CRACD: variants seen among roughly 807,000 people sequenced by gnomAD.
CRACD encodes the protein capping protein-inhibiting regulator of actin dynamics.
CRACD carries 56 observed loss-of-function variants against 106.8 expected under a neutral mutation model. The observed-to-expected ratio is 0.52, with a 90% CI of 0.42 to 0.66. The LOEUF is 0.66. Ranked by LOEUF, CRACD falls within the 30% of genes least tolerant of loss-of-function variation. CRACD has a pLI of 0.00. For synonymous variants in CRACD, 754 were observed against 670.8 expected (o/e 1.12, Z -1.92); for missense variants, 1,730 against 1,623.2 (o/e 1.07, Z -1.13).
intron 1 of CRACD, among the ~76,000 whole-genome samples, chr4:56,056,862 C>T (rs558020305): frequency 6.6e-6 from 1 of 152,298 alleles, no homozygotes; most frequent in South Asian, 2.1e-4. Flanking sequence ...CCCTTGAGCC[C>T]AGGAATTGGA....
intron 2 of CRACD, among the ~76,000 whole-genome samples, chr4:56,209,986 A>C (rs1738319986): frequency 6.6e-6 from 1 of 152,142 alleles, no homozygotes; most frequent in African/African-American, 2.4e-5. Context: ...TGGAGGATCC[A>C]ACCCCTCTCA....
Position 56,307,700 on chromosome 4 carries a change from G to T in CRACD, c.285+1G>T. 1 of 1,614,036 alleles carries T rather than the reference G, an allele frequency of 6.2e-7. No homozygotes were observed. Among genetic ancestry groups the T allele is most frequent in the Non-Finnish European group, 8.5e-7 (1 of 1,179,994 alleles). On this transcript the variant is annotated splice_donor_variant, in intron 5 of 10. Coordinates refer to ENST00000682029, the MANE Select transcript of CRACD (RefSeq NM_001393381.1). LOFTEE classifies it high-confidence loss of function. ...CGTCCTCTCAGACGCAGAGAACAAG[G>T]TAAGTCTCCTCCAGGGAATGACTTG...
Position 56,281,958 on chromosome 4 carries a change from A to G in CRACD, c.-17+9466A>G, listed in dbSNP as rs1314424170. Among the ~76,000 whole-genome samples the G allele has an allele frequency of 2.6e-5, 4 of 152,128 alleles. No individual in the cohort carries two copies. In the East Asian group the frequency reaches 7.7e-4, roughly 29 times the overall value. On this transcript the variant is annotated intron_variant, in intron 3 of 10. Coordinates refer to ENST00000682029, the MANE Select transcript of CRACD (RefSeq NM_001393381.1). ...CTGTTTCTTTTGTAATTAACAGGTA[A>G]TTTGGTACACTATAGCCTATCAAAT... is the stretch of plus-strand genomic sequence containing the variant.
chr4:56,314,972 T>G lies in CRACD; in HGVS notation c.1470T>G (p.Pro490=), dbSNP rs1745479704. 6.3e-7 allele frequency: 1 copy of G among 1,588,114 alleles called. No individual in the cohort carries two copies. The highest frequency in any genetic ancestry group is 1.8e-5 in the Admixed American group (1 of 54,510). The change falls in exon 8 of 11, where the codon CCT becomes CCG. Residue 490 remains proline (P), a synonymous_variant. Coordinates refer to ENST00000682029, the MANE Select transcript of CRACD (RefSeq NM_001393381.1). This position sits in a 1 kb window ranked among gnomAD's most constrained non-coding sequence, Gnocchi z 4.4. The part of the protein sequence containing the change: ...EEKREEGDTE[P]LLKQEGPVEA... ...AGAGAGAAGAAGGGGACACGGAGCCTCTCCTGAAACAAGAGGGGCCGGTGG... is the reference window on the plus strand; with the variant it reads ...AGAGAGAAGAAGGGGACACGGAGCCGCTCCTGAAACAAGAGGGGCCGGTGG...
At chr4:56,122,364 A>C (rs1220169082) in intron 1 of CRACD, among the ~76,000 whole-genome samples, 1 of 152,114 alleles carries the variant, frequency 6.6e-6, no homozygotes, top group Admixed American at 6.6e-5. Context: ...AGTCAGGAAA[A>C]GCAGGGAAGG....
intron 1 of CRACD, among the ~76,000 whole-genome samples, chr4:56,082,580 C>A (rs1052589423): frequency 6.6e-6 from 1 of 151,922 alleles, no homozygotes. Flanking sequence ...AGCCTATAGG[C>A]CTGCCAGTGG....
chr4:56,083,600 ATT>A (rs1733112452), intron 1 of CRACD, among the ~76,000 whole-genome samples: 1 of 151,986 alleles, frequency 6.6e-6, no homozygotes, highest in South Asian at 2.1e-4. Flanking sequence ...ACATTTTTTT[ATT>A]TGTTAGATTT....
At chr4:56,192,960 CTGATTCATCTT>C (rs545905271) in intron 2 of CRACD, among the ~76,000 whole-genome samples, 6 of 152,278 alleles carry the variant, frequency 3.9e-5, no homozygotes, top group Non-Finnish European at 4.4e-5. Context: ...GGGACAGTGT[CTGATTCATCTT>C]TGAGTGCCCA....
At position 56,329,385 on chromosome 4, in the gene CRACD, C is replaced by T. The variant is rs1746663113; in HGVS notation, c.*1581C>T. 6.6e-6 allele frequency among the ~76,000 whole-genome samples: 1 copy of T among 152,136 alleles called. No homozygotes were observed. On this transcript the variant is annotated 3_prime_UTR_variant, in exon 11 of 11. Coordinates refer to ENST00000682029, the MANE Select transcript of CRACD (RefSeq NM_001393381.1). ...CTTTCCTTTATGCTCGCTCAATATGCAATGTGCTGTTATTCTACCATGTAC... is the reference window on the plus strand; with the variant it reads ...CTTTCCTTTATGCTCGCTCAATATGTAATGTGCTGTTATTCTACCATGTAC...
At chr4:56,087,717 C>T (rs1234313788) in intron 1 of CRACD, among the ~76,000 whole-genome samples, 1 of 152,164 alleles carries the variant, frequency 6.6e-6, no homozygotes. Flanking sequence ...TGCCCACAGA[C>T]ATCACAAAAT....
At chr4:56,236,108 G>A (rs182048667) in intron 2 of CRACD, among the ~76,000 whole-genome samples, 1 of 152,296 alleles carries the variant, frequency 6.6e-6, no homozygotes, top group African/African-American at 2.4e-5. Flanking sequence ...CTTTACAGAG[G>A]TGTTGCAGTT....
intron 2 of CRACD, among the ~76,000 whole-genome samples, chr4:56,259,918 A>G (rs1320159090): frequency 1.3e-5 from 2 of 152,200 alleles, no homozygotes; most frequent in African/African-American, 4.8e-5. Context: ...CTGTGATAAA[A>G]TGCAATGGAA....
At chr4:56,220,017 G>A (rs963508945) in intron 2 of CRACD, among the ~76,000 whole-genome samples, 1 of 152,106 alleles carries the variant, frequency 6.6e-6, no homozygotes, top group African/African-American at 2.4e-5. Context: ...TACAAGAAAG[G>A]AAATAAGATT....
chr4:56,306,276 T>C, intron 4 of CRACD, among the ~76,000 whole-genome samples: 1 of 152,010 alleles, frequency 6.6e-6, no homozygotes, highest in Non-Finnish European at 1.5e-5. Context: ...GGCGGATTGC[T>C]TGAGACCAGG....
At chr4:56,244,253 A>G (rs921022171) in intron 2 of CRACD, among the ~76,000 whole-genome samples, 1 of 152,002 alleles carries the variant, frequency 6.6e-6, no homozygotes, top group South Asian at 2.1e-4. Context: ...GCTGGCAATG[A>G]TGTTATGGGC....
intron 2 of CRACD, among the ~76,000 whole-genome samples, chr4:56,202,421 A>G (rs1737925033): frequency 6.6e-6 from 1 of 151,996 alleles, no homozygotes; most frequent in South Asian, 2.1e-4. Context: ...TAATTTTTCT[A>G]TTTTTAATAG....
chr4:56,214,681 C>CTCTCTCTCTCTCTCTCTATATATA, intron 2 of CRACD, among the ~76,000 whole-genome samples: 2 of 80,998 alleles, frequency 2.5e-5, no homozygotes, highest in African/African-American at 8.5e-5. Flanking sequence ...CTCTCTCTCT[C>CTCTCTCTCTCTCTCTCTATATATA]TATATATATA....
chr4:56,308,040 C>T (rs1275965398), intron 5 of CRACD, among the ~76,000 whole-genome samples: 1 of 152,216 alleles, frequency 6.6e-6, no homozygotes, highest in Non-Finnish European at 1.5e-5. Context: ...TTTCACACGT[C>T]TGTTCTCCCT....
intron 1 of CRACD, among the ~76,000 whole-genome samples, chr4:56,151,624 A>T (rs1396523688): frequency 6.6e-6 from 1 of 152,136 alleles, no homozygotes; most frequent in Non-Finnish European, 1.5e-5. Context: ...CAAACCTCAT[A>T]CAAGTTTTGC....
Sources: allele counts gnomAD v4.1 joint callset (sites outside exome capture counted in the v4.1 genomes callset), GRCh38; gene constraint gnomAD v4.1.1; non-coding constraint Gnocchi (gnomAD v3.1); transcripts MANE v1.5; gene names NCBI Gene and HGNC (gene_info 2026-07-23, HGNC 2026-07-21).